Variants in SORBS3 observed in about 807,000 individuals in gnomAD.
SORBS3 encodes the protein sorbin and SH3 domain containing 3.
Under a neutral mutation model 98.0 loss-of-function variants are expected in SORBS3, and 69 were observed. The ratio of observed to expected loss-of-function variants is 0.70; its 90% CI spans 0.58 to 0.86. The LOEUF (loss-of-function observed/expected upper bound fraction) is 0.86. Among genes scored for constraint, SORBS3 ranks in the 40% least tolerant of loss-of-function variants. SORBS3 has a pLI of 0.00. For synonymous variants in SORBS3, 394 were observed against 355.4 expected (o/e 1.11, Z -1.22); for missense variants, 954 against 908.5 (o/e 1.05, Z -0.64).
intron 4 of SORBS3, among the ~76,000 whole-genome samples, 193 bp downstream of exon 4, chr8:22,557,101 G>A (rs1840198823): frequency 6.6e-6 from 1 of 152,192 alleles, no homozygotes. Flanking sequence ...GTGTGCCTGA[G>A]TTGCTCAAGT....
At position 22,564,412 on chromosome 8, in the gene SORBS3, T is replaced by C. The variant is rs1265253866; in HGVS notation, c.762+43T>C. The C allele has an allele frequency of 2.5e-6, 4 of 1,613,522 alleles. No homozygotes were observed. The Admixed American group carries it at 5.0e-5, about 20-fold the overall frequency. Reference sequence around the variant, plus strand: ...CTCGGGGTGTGCACGCACCCTCAGCTGATACATTTTGGAAAGTGAGTTCAC... The same window carrying C: ...CTCGGGGTGTGCACGCACCCTCAGCCGATACATTTTGGAAAGTGAGTTCAC... On this transcript the variant is annotated intron_variant, in intron 9 of 20. Coordinates refer to ENST00000240123, the MANE Select transcript of SORBS3 (RefSeq NM_005775.5).
chr8:22,565,587 C>T (rs1433735843), intron 11 of SORBS3: 2 of 694,586 alleles, frequency 2.9e-6, no homozygotes, highest in African/African-American at 1.9e-5. Flanking sequence ...GCGGACTCCA[C>T]GTCAGCCCGA....
intron 16 of SORBS3, among the ~76,000 whole-genome samples, chr8:22,567,558 C>G (rs575594988): frequency 6.6e-6 from 1 of 152,194 alleles, no homozygotes; most frequent in African/African-American, 2.4e-5. Flanking sequence ...GGTGTATTAC[C>G]GCCCTGGTTC....
At chr8:22,552,811 T>TCAACTCCC (rs1840109793) in intron 1 of SORBS3, among the ~76,000 whole-genome samples, 1 of 152,180 alleles carries the variant, frequency 6.6e-6, no homozygotes, top group African/African-American at 2.4e-5. Flanking sequence ...CCACCCTGCC[T>TCAACTCCC]CAACTCCCCC....
At chr8:22,548,149 C>T (rs757568656), upstream of SORBS3, among the ~76,000 whole-genome samples, 3 of 152,230 alleles carry the variant, frequency 2.0e-5, no homozygotes, top group Non-Finnish European at 1.5e-5. Context: ...TACCAGAAAT[C>T]TTGAATTCCA....
rs528863716 is a variant in SORBS3, at chr8:22,571,819, C to T, written c.1845C>T (p.Thr615=). The T allele has an allele frequency of 1.9e-6, 3 of 1,602,182 alleles. No homozygotes were observed. The highest frequency in any genetic ancestry group is 1.3e-5 in the African/African-American group (1 of 74,820). Residue 615 remains threonine, a splice_region_variant and synonymous_variant, in exon 19 of 21, where the codon ACC becomes ACT. Coordinates refer to ENST00000240123, the MANE Select transcript of SORBS3 (RefSeq NM_005775.5). ...SSPNTSQIHW[T]PYRAMYQYRP... ...CTAACACCTCTCAGATACACTGGACCCCGTGAGTACCATCTGAGGGCTCTT... is the reference window on the plus strand; with the variant it reads ...CTAACACCTCTCAGATACACTGGACTCCGTGAGTACCATCTGAGGGCTCTT...
At chr8:22,555,948 C>A (rs979136802) in intron 3 of SORBS3, among the ~76,000 whole-genome samples, 1 of 152,246 alleles carries the variant, frequency 6.6e-6, no homozygotes, top group African/African-American at 2.4e-5. Context: ...TTACGAGGCT[C>A]ACCTCGTTTA....
chr8:22,558,064 T>A (rs1174151179), intron 4 of SORBS3, 65 bp from the exon 5 acceptor site: 1 of 1,548,992 alleles, frequency 6.5e-7, no homozygotes, highest in Non-Finnish European at 8.9e-7. Flanking sequence ...GGGAAAGATT[T>A]TTGTGGCTTG....
intron 1 of SORBS3, among the ~76,000 whole-genome samples, chr8:22,553,424 G>C (rs911144997): frequency 6.6e-6 from 1 of 152,206 alleles, no homozygotes; most frequent in African/African-American, 2.4e-5. Context: ...AAGACGCGGA[G>C]GGATGGACGC....
intron 3 of SORBS3, 93 bp downstream of exon 3, chr8:22,555,073 G>T: frequency 9.3e-7 from 1 of 1,075,556 alleles, no homozygotes. Context: ...GCAGCAGCTG[G>T]AGATGGGGTT....
chr8:22,569,736 G>GGCTTTTTTTT (rs772470466), intron 17 of SORBS3, among the ~76,000 whole-genome samples: 1 of 152,044 alleles, frequency 6.6e-6, no homozygotes. Context: ...TTAGTGTAGT[G>GGCTTTTTTTT]GCTTTTTTTT....
chr8:22,553,273 C>T (rs1224923796), intron 1 of SORBS3, among the ~76,000 whole-genome samples: 1 of 152,188 alleles, frequency 6.6e-6, no homozygotes, highest in East Asian at 1.9e-4. Flanking sequence ...GATTCCAACA[C>T]ACACATACAC....
intron 9 of SORBS3, 32 bp downstream of exon 9, chr8:22,564,401 G>A (rs140275042): frequency 4.8e-5 from 78 of 1,611,810 alleles, no homozygotes; most frequent in Admixed American, 1.3e-4. Flanking sequence ...GGGTGTGCAC[G>A]CACCCTCAGC....
At chr8:22,547,921 C>T (rs918697481), upstream of SORBS3, among the ~76,000 whole-genome samples, 6 of 152,160 alleles carry the variant, frequency 3.9e-5, no homozygotes, top group Non-Finnish European at 8.8e-5. Context: ...TGAGTTCTCC[C>T]GCAGCCTTTG....
intron 10 of SORBS3, 121 bp from the exon 11 acceptor site, chr8:22,565,147 T>A (rs1339743700): frequency 6.8e-7 from 1 of 1,476,244 alleles, no homozygotes; most frequent in African/African-American, 1.4e-5. Flanking sequence ...GCCCGTGCGC[T>A]GAGGCCTGCC....
upstream of SORBS3, among the ~76,000 whole-genome samples, chr8:22,551,266 C>T (rs953235664): frequency 3.3e-5 from 5 of 152,322 alleles, no homozygotes; most frequent in African/African-American, 7.2e-5. This position sits in a 1 kb window ranked among gnomAD's most constrained non-coding sequence, Gnocchi z 5.8. Context: ...TTTGTTTGCA[C>T]ACGACCGGCC....
Position 22,554,551 on chromosome 8 carries a change from C to T in SORBS3, c.45C>T (p.Asp15=), listed in dbSNP as rs369770694. 9.2e-5 allele frequency: 148 copies of T among 1,612,944 alleles called. No homozygotes were observed. The highest frequency in any genetic ancestry group is 6.0e-4 in the South Asian group (55 of 91,080). The change falls in exon 2 of 21, where the codon GAC becomes GAT. Residue 15 remains aspartate (D), a synonymous_variant. Transcript: ENST00000240123. The surrounding 1 kb of genome is among the most constrained non-coding windows in gnomAD (Gnocchi z 6.5). ...PRSLRAGLSL[D]DFIPGHLQSH... ...GCCTCCGCGCTGGGCTCAGCCTGGA[C>T]GACTTCATCCCTGGCCACCTCCAGT...
chr8:22,561,933 T>C lies in SORBS3; in HGVS notation c.584+2T>C, dbSNP rs1197164562. 6.2e-6 allele frequency: 10 copies of C among 1,613,546 alleles called. No individual in the cohort carries two copies. Among genetic ancestry groups the C allele is most frequent in the Non-Finnish European group, 6.8e-6 (8 of 1,179,806 alleles). ...CGGCCCGGCAACATCTTCCAGTGGG[T>C]GAGCACAGTGGGGCGGGGCCGAGGG... is the stretch of plus-strand genomic sequence containing the variant. On this transcript the variant is annotated splice_donor_variant, in intron 7 of 20. Transcript: ENST00000240123. LOFTEE classifies it high-confidence loss of function.
intron 16 of SORBS3, among the ~76,000 whole-genome samples, chr8:22,568,564 C>T (rs1239131836): frequency 6.6e-6 from 1 of 152,140 alleles, no homozygotes; most frequent in Non-Finnish European, 1.5e-5. Flanking sequence ...TCCACTTGGT[C>T]CTGAAATTTC....
Sources: gnomAD v4.1 joint callset for allele counts (sites outside exome capture counted in the v4.1 genomes callset) on GRCh38, gnomAD v4.1.1 for gene constraint, Gnocchi (gnomAD v3.1) non-coding constraint, MANE v1.5 for transcripts, NCBI Gene and HGNC (gene_info 2026-07-23, HGNC 2026-07-21) for gene names.